The following CCDC93 variants were observed in gnomAD, a reference collection of about 807,000 sequenced individuals.
CCDC93 encodes coiled-coil domain-containing protein 93.
A neutral mutation model predicts 108.2 loss-of-function variants in CCDC93; 61 were observed. The observed-to-expected ratio is 0.56, with a 90% confidence interval of 0.46 to 0.70. CCDC93 has a LOEUF of 0.70. Among genes scored for constraint, CCDC93 ranks in the 30% least tolerant of loss-of-function variants. The pLI, the probability that CCDC93 is intolerant of heterozygous loss-of-function variation, is 0.00. For synonymous variants in CCDC93, 276 were observed against 260.4 expected, an observed-to-expected ratio of 1.06 and a Z score of -0.58; for missense variants, 685 against 764.2, an observed-to-expected ratio of 0.90 and a Z score of 1.22.
At chr2:117,932,191 G>A (rs1049023185) in intron 22 of CCDC93, among the ~76,000 whole-genome samples, 2 of 152,174 alleles carry the variant, frequency 1.3e-5, no homozygotes, top group African/African-American at 4.8e-5. Context: ...GGAAATGAGG[G>A]CAGTAAGAGT....
chr2:117,991,757 T>C (rs930807279), intron 6 of CCDC93, among the ~76,000 whole-genome samples: 1 of 152,212 alleles, frequency 6.6e-6, no homozygotes, highest in Non-Finnish European at 1.5e-5. Flanking sequence ...TGTCTGACCT[T>C]ATTTTATTCC....
At chr2:117,974,722 T>TG (rs1284191468) in intron 10 of CCDC93, 128 bp downstream of exon 10, 2 of 678,162 alleles carry the variant, frequency 2.9e-6, no homozygotes, top group East Asian at 5.4e-5. Flanking sequence ...AGGAACTCCC[T>TG]GGGGAAGAGG....
intron 6 of CCDC93, 88 bp downstream of exon 6, chr2:117,995,358 G>A (rs1398058901): frequency 2.0e-6 from 2 of 1,013,628 alleles, no homozygotes; most frequent in Non-Finnish European, 3.1e-6. Flanking sequence ...GTAGATGGAA[G>A]CCTCAGGAGC....
rs553024158 is a variant in CCDC93, at chr2:117,951,687, G to A, written c.1068+686C>T. 4.8e-5 allele frequency: 48 copies of A among 1,000,210 alleles called. No individual in the cohort carries two copies. In the African/African-American group the frequency reaches 8.0e-4, roughly 17 times the overall value. The allele number at this position is 1,000,210 out of a possible 1,614,324, so 62.0% of individuals were successfully genotyped here. On this transcript the variant is annotated intron_variant, in intron 13 of 23. Transcript: ENST00000376300. Reference sequence around the variant, plus strand: ...CAAGGAAGACAGCTTTTCAAGTCTGGATGAGGATAGTTCTCTGTGGAAACC... The same window carrying A: ...CAAGGAAGACAGCTTTTCAAGTCTGAATGAGGATAGTTCTCTGTGGAAACC...
intron 23 of CCDC93, among the ~76,000 whole-genome samples, chr2:117,930,050 A>C (rs1284793672): frequency 1.3e-5 from 2 of 152,240 alleles, no homozygotes; most frequent in East Asian, 3.8e-4. Flanking sequence ...AGGAGCTGGA[A>C]CACTGGAAAA....
intron 7 of CCDC93, among the ~76,000 whole-genome samples, chr2:117,985,146 C>CAAA (rs11299175): frequency 2.2e-4 from 31 of 141,092 alleles, no homozygotes; most frequent in East Asian, 2.1e-3. Flanking sequence ...CAAAACAAAA[C>CAAA]AAAAAAAAAA....
At chr2:117,975,330 T>C (rs758213949) in intron 8 of CCDC93, 50 bp from the exon 9 acceptor site, 41 of 1,334,102 alleles carry the variant, frequency 3.1e-5, no homozygotes, top group Admixed American at 6.8e-5. Flanking sequence ...GGAGACTCAG[T>C]AGAGAAAGGA....
chr2:117,979,487 C>T (rs970231538), intron 7 of CCDC93, among the ~76,000 whole-genome samples: 1 of 152,208 alleles, frequency 6.6e-6, no homozygotes, highest in African/African-American at 2.4e-5. Context: ...TGAATACATG[C>T]AACTGTTACT....
In CCDC93 at chr2:117,986,010, A is replaced by C. The variant is rs746214930; in HGVS notation, c.579T>G (p.Asp193Glu). 2 of 1,613,814 alleles carry C rather than the reference A, an allele frequency of 1.2e-6. No homozygotes were observed. Among genetic ancestry groups the C allele is most frequent in the Non-Finnish European group, 1.7e-6 (2 of 1,179,754 alleles). ...KRHQGAEELL[D>E]EESRIHATLL... is the part of the protein sequence containing the mutation. ...GTGTAGCATGGATTCGAGATTCTTC[A>C]TCAAGTAGCTCCTCTGCTCCCTGGT... is the stretch of plus-strand genomic sequence containing the variant. Residue 193 changes from aspartate (D) to glutamate (E), a missense_variant, in exon 7 of 24, where the codon GAT becomes GAG. Asp to Glu is a conservative substitution (Grantham distance 45). Transcript: ENST00000376300.
chr2:117,942,201 T>C (rs80250664), intron 18 of CCDC93, among the ~76,000 whole-genome samples: 12,454 of 152,266 alleles, frequency 0.082, 594 homozygotes, highest in Admixed American at 0.11. Flanking sequence ...CCTGGTTTTC[T>C]TTCAGGAGTC....
chr2:117,938,284 C>T (rs1678584310), intron 20 of CCDC93, among the ~76,000 whole-genome samples: 1 of 152,204 alleles, frequency 6.6e-6, no homozygotes, highest in East Asian at 1.9e-4. Flanking sequence ...GGACACTATG[C>T]TGCCATGGTG....
chr2:117,998,235 G>A (rs983569078), intron 4 of CCDC93: 7 of 152,154 alleles, frequency 4.6e-5, no homozygotes, highest in Admixed American at 1.3e-4. Context: ...GTGTGAACAC[G>A]GATGATGGGC....
At chr2:117,986,300 T>C (rs946973810) in intron 6 of CCDC93, among the ~76,000 whole-genome samples, 2 of 151,418 alleles carry the variant, frequency 1.3e-5, no homozygotes, top group South Asian at 4.2e-4. Flanking sequence ...TGCACACATA[T>C]ATATCCTAAA....
chr2:117,937,376 T>A (rs1678557919), intron 20 of CCDC93, among the ~76,000 whole-genome samples: 1 of 152,152 alleles, frequency 6.6e-6, no homozygotes, highest in African/African-American at 2.4e-5. Context: ...ATAAAACTAC[T>A]CAATTTGGGG....
rs1677808996 is a variant in CCDC93, at chr2:117,920,083, GA to G, written c.*259del. 1 of 350,622 alleles carries G rather than the reference GA, an allele frequency of 2.9e-6. No individual in the cohort carries two copies. Among genetic ancestry groups the G allele is most frequent in the East Asian group, 4.3e-5 (1 of 23,502 alleles). The allele number at this position is 350,622 out of a possible 1,614,324, so 21.7% of individuals were successfully genotyped here. Reference sequence around the variant, plus strand: ...CAATGTTACTGGAGACATAAAAGTTGAATCAACAGAGAACAAGTACTCCCTA... The same window carrying G: ...CAATGTTACTGGAGACATAAAAGTTGATCAACAGAGAACAAGTACTCCCTA... On this transcript the variant is annotated 3_prime_UTR_variant, in exon 24 of 24. Transcript: ENST00000376300.
rs930005668 is a variant in CCDC93, at chr2:117,979,054, G to A, written c.621-1024C>T. The stretch of plus-strand genomic sequence containing the variant: ...AAGAACAAGTTTAAGGCTACTCTGT[G>A]CCTCACTTCTGGGTTGTGTGCTCAC... On this transcript the variant is annotated intron_variant, in intron 7 of 23. Coordinates refer to ENST00000376300, the MANE Select transcript of CCDC93 (RefSeq NM_019044.5). Among the ~76,000 whole-genome samples the A allele has an allele frequency of 3.3e-5, 5 of 152,096 alleles. No individual in the cohort carries two copies. The East Asian group carries it at 5.8e-4, about 18-fold the overall frequency.
chr2:117,964,235 C>CA (rs1679483511), intron 11 of CCDC93, among the ~76,000 whole-genome samples: 2 of 152,286 alleles, frequency 1.3e-5, no homozygotes, highest in East Asian at 3.9e-4. Flanking sequence ...TGGGAAAAGA[C>CA]AAAGACTGTA....
At chr2:118,011,942 C>A (rs991769836) in intron 1 of CCDC93, among the ~76,000 whole-genome samples, 5 of 152,188 alleles carry the variant, frequency 3.3e-5, no homozygotes, top group African/African-American at 1.2e-4. Flanking sequence ...TCTCTTGAAG[C>A]AATAAAAATC....
chr2:117,960,856 C>T (rs1045996472), intron 11 of CCDC93, among the ~76,000 whole-genome samples: 1 of 152,096 alleles, frequency 6.6e-6, no homozygotes, highest in African/African-American at 2.4e-5. Context: ...TATCACTGAT[C>T]TGATGTTAAT....
Sources: allele counts gnomAD v4.1 joint callset (sites outside exome capture counted in the v4.1 genomes callset), GRCh38; gene constraint gnomAD v4.1.1; transcripts MANE v1.5; gene names NCBI Gene and HGNC (gene_info 2026-07-23, HGNC 2026-07-21).